FKBP4: variants seen among roughly 807,000 people sequenced by gnomAD.
FKBP4 encodes peptidyl-prolyl cis-trans isomerase FKBP4.
FKBP4 carries 28 observed loss-of-function variants against 54.1 expected under a neutral mutation model. That is an observed-to-expected ratio of 0.52 (90% CI 0.38 to 0.71). FKBP4 has a LOEUF of 0.71. FKBP4 is among the 30% of genes least tolerant of loss of function. The pLI is 0.00. For synonymous variants in FKBP4, 223 were observed against 216.1 expected, an observed-to-expected ratio of 1.03 and a Z score of -0.28; for missense variants, 493 against 574.4, an observed-to-expected ratio of 0.86 and a Z score of 1.45.
intron 7 of FKBP4, 33 bp from the exon 8 acceptor site, chr12:2,800,357 CTG>C: frequency 1.9e-6 from 3 of 1,583,784 alleles, no homozygotes; most frequent in Middle Eastern, 1.7e-4. Flanking sequence ...ACCACTGAAA[CTG>C]TGCCAGGTGC....
In FKBP4 at chr12:2,798,716, T is replaced by C. The variant is rs778062760; in HGVS notation, c.404T>C (p.Phe135Ser). 3 of 1,608,292 alleles carry C rather than the reference T, an allele frequency of 1.9e-6. No individual in the cohort carries two copies. The African/African-American group carries it at 4.0e-5, about 22-fold the overall frequency. Residue 135 changes from phenylalanine (F) to serine (S), a missense_variant, in exon 4 of 10, where the codon TTT (phenylalanine) becomes TCT (serine). Phe to Ser is a radical substitution (Grantham distance 155). Transcript: ENST00000001008. This position sits in a 1 kb window ranked among gnomAD's most constrained non-coding sequence, Gnocchi z 4.3. ...NATLVFEVEL[F>S]EFKGEDLTEE... Reference sequence around the variant, plus strand: ...CATCTTGTCCCACAGGTGGAGTTGTTTGAGTTTAAGGGAGAAGATCTGACG... The same window carrying C: ...CATCTTGTCCCACAGGTGGAGTTGTCTGAGTTTAAGGGAGAAGATCTGACG...
rs1412512444 is a variant in FKBP4 at position 2,805,243 on chromosome 12, C to T, written c.*1985C>T. ...TAATCCAGACTCTCCCATGAGGTTC[C>T]TTTGGCAAGTCCTGGGCTTCTGTCC... On this transcript the variant is annotated 3_prime_UTR_variant, in exon 10 of 10. Coordinates refer to ENST00000001008, the MANE Select transcript of FKBP4 (RefSeq NM_002014.4). 4 of 453,004 alleles carry T rather than the reference C, an allele frequency of 8.8e-6. No homozygotes were observed. The East Asian group carries it at 2.1e-4, about 24-fold the overall frequency. 28.1% of individuals were successfully genotyped at this position (453,004 alleles called of 1,614,324 possible).
chr12:2,797,551 C>CT (rs2097902572), intron 2 of FKBP4, among the ~76,000 whole-genome samples, 178 bp from the exon 3 acceptor site: 1 of 152,012 alleles, frequency 6.6e-6, no homozygotes, highest in Non-Finnish European at 1.5e-5. Flanking sequence ...GTCACGTGAT[C>CT]TTTTACAGTT....
At position 2,798,325 on chromosome 12, in the gene FKBP4, G is replaced by A. The variant is rs545049883; in HGVS notation, c.394-381G>A. On this transcript the variant is annotated intron_variant, in intron 3 of 9. Transcript: ENST00000001008. This position sits in a 1 kb window ranked among gnomAD's most constrained non-coding sequence, Gnocchi z 4.3. ...AATCTGAAAATGGTTGAGCCAATCC[G>A]TGGGCCCTTGAATACTGAGAAACTG... Among the ~76,000 whole-genome samples, 1 of 152,306 alleles carries A rather than the reference G, an allele frequency of 6.6e-6. No individual in the cohort carries two copies. The highest frequency in any genetic ancestry group is 1.5e-5 in the Non-Finnish European group (1 of 68,020).
At chr12:2,797,661 C>T in intron 2 of FKBP4, 68 bp from the exon 3 acceptor site, 1 of 1,541,880 alleles carries the variant, frequency 6.5e-7, no homozygotes, top group Non-Finnish European at 8.8e-7. Context: ...AGTAACTCTT[C>T]AGGAGCACTG....
intron 5 of FKBP4, among the ~76,000 whole-genome samples, chr12:2,799,503 A>G (rs1245032029): frequency 8.5e-5 from 13 of 152,196 alleles, no homozygotes; most frequent in Admixed American, 8.5e-4. Context: ...AATTCATTTC[A>G]GTCATTACTG....
chr12:2,798,939 G>A lies in FKBP4; in HGVS notation c.514+113G>A, dbSNP rs1248619106. 1 of 1,420,948 alleles carries A rather than the reference G, an allele frequency of 7.0e-7. No homozygotes were observed. Among genetic ancestry groups the A allele is most frequent in the African/African-American group, 1.4e-5 (1 of 70,758 alleles). 88.0% of individuals were successfully genotyped at this position (1,420,948 alleles called of 1,614,324 possible). ...CTATCTTCTTGTCCATAAAATGAGG[G>A]GTTGGACCATATTCTCTTCATATCA... On this transcript the variant is annotated intron_variant, in intron 4 of 9. Transcript: ENST00000001008. This position sits in a 1 kb window ranked among gnomAD's most constrained non-coding sequence, Gnocchi z 4.3.
chr12:2,797,317 G>C (rs200002355), intron 2 of FKBP4, 35 bp downstream of exon 2: 1 of 1,611,784 alleles, frequency 6.2e-7, no homozygotes, highest in East Asian at 2.2e-5. Context: ...GGATAGGTTC[G>C]AGGTGGACAC....
intron 5 of FKBP4, among the ~76,000 whole-genome samples, chr12:2,799,523 C>T (rs1299679320): frequency 6.6e-6 from 1 of 152,222 alleles, no homozygotes; most frequent in Non-Finnish European, 1.5e-5. Context: ...GAAACAGCTA[C>T]TACATGCCAG....
Position 2,801,217 on chromosome 12 carries a change from A to T in FKBP4, c.1133A>T (p.Lys378Met). 6.2e-7 allele frequency: 1 copy of T among 1,613,420 alleles called. No individual in the cohort carries two copies. Among genetic ancestry groups the T allele is most frequent in the Non-Finnish European group, 8.5e-7 (1 of 1,180,054 alleles). ...DFELARADFQ[K>M]VLQLYPNNKA... is the part of the protein sequence containing the mutation. Reference sequence around the variant, plus strand: ...GAACTGGCACGGGCTGATTTCCAGAAGGTCCTGCAGCTCTACCCCAACAAC... The same window carrying T: ...GAACTGGCACGGGCTGATTTCCAGATGGTCCTGCAGCTCTACCCCAACAAC... The change falls in exon 9 of 10, where the codon AAG becomes ATG. Residue 378 changes from lysine to methionine, a missense_variant. By Grantham distance (95) the Lys-to-Met change is moderately conservative. Transcript: ENST00000001008.
At chr12:2,796,021 T>C (rs1233985334) in intron 1 of FKBP4, 1 of 1,158,694 alleles carries the variant, frequency 8.6e-7, no homozygotes, top group African/African-American at 1.6e-5. Context: ...GAGTGACCGC[T>C]CGACTACAAA....
Position 2,796,413 on chromosome 12 carries a change from T to G in FKBP4, c.106-725T>G, listed in dbSNP as rs1215217560. The G allele has an allele frequency of 5.4e-6, 7 of 1,285,308 alleles. No homozygotes were observed. In the South Asian group the frequency reaches 7.4e-5, roughly 14 times the overall value. 79.6% of individuals were successfully genotyped at this position (1,285,308 alleles called of 1,614,324 possible). A position where few individuals can be genotyped will look rare whatever the true frequency, so the allele number is the denominator to read the frequency against. ...GATCCATCATTCCTTCCCTTTTACCTTTCTACTCCTCAAAGCCCCTGTCTA... is the reference window on the plus strand; with the variant it reads ...GATCCATCATTCCTTCCCTTTTACCGTTCTACTCCTCAAAGCCCCTGTCTA... On this transcript the variant is annotated intron_variant, in intron 1 of 9. Transcript: ENST00000001008.
intron 1 of FKBP4, chr12:2,796,820 G>A (rs1195157641): frequency 1.1e-5 from 12 of 1,130,518 alleles, no homozygotes; most frequent in African/African-American, 1.6e-5. Flanking sequence ...AACTGTAGGA[G>A]ATAGGGATTA....
At chr12:2,797,429 T>C in intron 2 of FKBP4, 147 bp downstream of exon 2, 1 of 898,998 alleles carries the variant, frequency 1.1e-6, no homozygotes, top group Non-Finnish European at 1.7e-6. Flanking sequence ...TTTTTTTTTC[T>C]ACCGTTCTGT....
At chr12:2,800,626 G>A in intron 8 of FKBP4, 49 bp downstream of exon 8, 1 of 1,521,888 alleles carries the variant, frequency 6.6e-7, no homozygotes, top group Non-Finnish European at 8.8e-7. Context: ...GGCAGAGTTG[G>A]GTGAGCTGCC....
In FKBP4 at chr12:2,798,029, T is replaced by A. The variant is rs2097902849; in HGVS notation, c.393+158T>A. 6.6e-6 allele frequency among the ~76,000 whole-genome samples: 1 copy of A among 152,102 alleles called. No individual in the cohort carries two copies. Among genetic ancestry groups the A allele is most frequent in the African/African-American group, 2.4e-5 (1 of 41,418 alleles). On this transcript the variant is annotated intron_variant, in intron 3 of 9. Transcript: ENST00000001008. This position sits in a 1 kb window ranked among gnomAD's most constrained non-coding sequence, Gnocchi z 4.3. ...GAAATGCAGAGGGCTCTGCTGCTGC[T>A]AGTAATGGAAGTAATAGAAGCTTCG...
At chr12:2,801,422 T>C in intron 9 of FKBP4, 66 bp downstream of exon 9, 1 of 1,599,808 alleles carries the variant, frequency 6.3e-7, no homozygotes, top group Non-Finnish European at 8.5e-7. Context: ...CTGTGGGCTC[T>C]TTGTGCCTTT....
intron 1 of FKBP4, chr12:2,796,918 C>T: frequency 1.5e-6 from 2 of 1,353,970 alleles, no homozygotes; most frequent in South Asian, 3.7e-5. Flanking sequence ...AGCCTTTTGT[C>T]TCCTTTTTCA....
chr12:2,803,088 G>A (rs1305566565), intron 9 of FKBP4, 63 bp from the exon 10 acceptor site: 7 of 1,184,868 alleles, frequency 5.9e-6, no homozygotes, highest in Non-Finnish European at 8.6e-6. Context: ...AATTCTGCTG[G>A]AAATTAAGTG....
Sources: gnomAD v4.1 joint callset for allele counts (sites outside exome capture counted in the v4.1 genomes callset) on GRCh38, gnomAD v4.1.1 for gene constraint, Gnocchi (gnomAD v3.1) non-coding constraint, MANE v1.5 for transcripts, NCBI Gene and HGNC (gene_info 2026-07-23, HGNC 2026-07-21) for gene names.